Variants in CLIC6 observed in about 807,000 individuals in gnomAD.
CLIC6 encodes the protein chloride intracellular channel protein 6.
In CLIC6, 39 loss-of-function variants were observed where a neutral mutation model predicts 49.2. The observed-to-expected ratio is 0.79, with a 90% CI of 0.61 to 1.04. The LOEUF (loss-of-function observed/expected upper bound fraction) is 1.04. Among genes scored for constraint, CLIC6 ranks in the 50% least tolerant of loss-of-function variants. The pLI is 0.00. For synonymous variants in CLIC6, 446 were observed against 433.4 expected, an observed-to-expected ratio of 1.03 and a Z score of -0.36; for missense variants, 988 against 993.1, an observed-to-expected ratio of 0.99 and a Z score of 0.07.
intron 1 of CLIC6, among the ~76,000 whole-genome samples, chr21:34,685,465 T>C (rs933482614): frequency 3.3e-5 from 5 of 152,182 alleles, no homozygotes; most frequent in African/African-American, 9.7e-5. Flanking sequence ...ATCAACACTT[T>C]TTTGGTGCCT....
chr21:34,701,452 A>AATG (rs974971106), intron 1 of CLIC6, among the ~76,000 whole-genome samples: 1 of 152,138 alleles, frequency 6.6e-6, no homozygotes, highest in Non-Finnish European at 1.5e-5. Flanking sequence ...TTGGAAGAGT[A>AATG]ATGATGATGA....
intron 1 of CLIC6, among the ~76,000 whole-genome samples, chr21:34,682,644 G>C (rs1458021893): frequency 6.6e-6 from 1 of 151,904 alleles, no homozygotes; most frequent in East Asian, 1.9e-4. Context: ...GTAATTTCTT[G>C]TAATTGATGC....
At chr21:34,714,701 A>C (rs1229269847) in intron 5 of CLIC6, among the ~76,000 whole-genome samples, 5 of 151,502 alleles carry the variant, frequency 3.3e-5, no homozygotes, top group African/African-American at 9.8e-5. Context: ...ACAAAAAAAA[A>C]AAAAAAAAAC....
intron 5 of CLIC6, among the ~76,000 whole-genome samples, chr21:34,715,250 C>T (rs987873195): frequency 6.6e-6 from 1 of 152,302 alleles, no homozygotes; most frequent in South Asian, 2.1e-4. Context: ...TGTTGAGATC[C>T]TAACCCCCAG....
intron 1 of CLIC6, among the ~76,000 whole-genome samples, chr21:34,689,105 C>T (rs1989939180): frequency 6.6e-6 from 1 of 152,218 alleles, no homozygotes; most frequent in Non-Finnish European, 1.5e-5. Flanking sequence ...TCTTCCCTTG[C>T]CTGAGGAGGA....
chr21:34,689,260 A>G (rs1316120561), intron 1 of CLIC6, among the ~76,000 whole-genome samples: 1 of 152,202 alleles, frequency 6.6e-6, no homozygotes, highest in East Asian at 1.9e-4. Flanking sequence ...CCACACCTCC[A>G]GCAGTCGTGG....
rs541957862 is a variant in CLIC6 at position 34,703,295 on chromosome 21, G to A, written c.1375-3985G>A. 1.6e-3 allele frequency among the ~76,000 whole-genome samples: 251 copies of A among 152,236 alleles called. 24 individuals carry two copies. Among genetic ancestry groups the A allele is most frequent in the Non-Finnish European group, 6.5e-4 (44 of 68,026 alleles). On this transcript the variant is annotated intron_variant, in intron 1 of 5. Coordinates refer to ENST00000349499, the MANE Select transcript of CLIC6 (RefSeq NM_053277.3). The stretch of plus-strand genomic sequence containing the variant: ...GAGAAAAGTGCTTACTTGATGGAAC[G>A]TGTTCACCATGTAAGCCCACACAGA...
In CLIC6 at chr21:34,670,605, C is replaced by T. The variant is rs757325338; in HGVS notation, c.1217C>T (p.Ala406Val). ...CCACATGGGGAGGCCTCCAGGGGCG[C>T]CGCGGAGCCTGAGGCCCAGCTCAGC... ...SSPHGEASRG[A>V]AEPEAQLSNH... The change falls in exon 1 of 6, where the codon GCC becomes GTC. Residue 406 changes from alanine to valine, a missense_variant. By Grantham distance (64) the Ala-to-Val change is moderately conservative (BLOSUM62 0). Transcript: ENST00000349499. The T allele has an allele frequency of 4.1e-5, 63 of 1,539,748 alleles. No individual in the cohort carries two copies. The highest frequency in any genetic ancestry group is 1.0e-4 in the Admixed American group (5 of 49,626).
At chr21:34,676,336 A>C (rs1722452598) in intron 1 of CLIC6, among the ~76,000 whole-genome samples, 2 of 152,288 alleles carry the variant, frequency 1.3e-5, no homozygotes, top group Non-Finnish European at 1.5e-5. Context: ...TATTAATTCA[A>C]TACATATGGA....
At chr21:34,685,819 A>T (rs1989866204) in intron 1 of CLIC6, among the ~76,000 whole-genome samples, 1 of 152,220 alleles carries the variant, frequency 6.6e-6, no homozygotes, top group South Asian at 2.1e-4. Context: ...CCAGGTATTG[A>T]GGCTCTGGCT....
In CLIC6 at chr21:34,707,386, A is replaced by G; in HGVS notation, c.1481A>G (p.Lys494Arg). ...TTTAATGTGACCACAGTGGACCTGA[A>G]AAGGTAAGACAAGGCGTCTGCCTTA... ...VIFNVTTVDL[K>R]RKPADLQNLA... The change falls in exon 2 of 6, where the codon AAA becomes AGA. Residue 494 changes from lysine (K) to arginine (R), a missense_variant. Physicochemically the swap from Lys to Arg is conservative, Grantham distance 26. Coordinates refer to ENST00000349499, the MANE Select transcript of CLIC6 (RefSeq NM_053277.3). 6.2e-7 allele frequency: 1 copy of G among 1,602,256 alleles called. No individual in the cohort carries two copies. The highest frequency in any genetic ancestry group is 2.2e-5 in the East Asian group (1 of 44,770).
At chr21:34,702,428 G>A (rs894634316) in intron 1 of CLIC6, among the ~76,000 whole-genome samples, 1 of 152,132 alleles carries the variant, frequency 6.6e-6, no homozygotes, top group Non-Finnish European at 1.5e-5. Context: ...ACAAGCACCC[G>A]CCATTCCATA....
At position 34,670,344 on chromosome 21, in the gene CLIC6, C is replaced by T. The variant is rs1254267849; in HGVS notation, c.956C>T (p.Ala319Val). ...ATTGAGGTCGCAGCCGGGGAGAGTG[C>T]GGGGCGCAGCCCCGGTGAGCTCGCC... ...EAIEVAAGESAGRSPGELAWD... is the reference protein window; with the variant it reads ...EAIEVAAGESVGRSPGELAWD... The change falls in exon 1 of 6, where the codon GCG becomes GTG. Residue 319 changes from alanine (A) to valine (V), a missense_variant. Physicochemically the swap from Ala to Val is moderately conservative, Grantham distance 64. This residue lies in a region of CLIC6 where 647 missense variants were observed against 596.9 expected (regional missense o/e 1.08). Coordinates refer to ENST00000349499, the MANE Select transcript of CLIC6 (RefSeq NM_053277.3). 6.9e-7 allele frequency: 1 copy of T among 1,450,316 alleles called. No individual in the cohort carries two copies. Among genetic ancestry groups the T allele is most frequent in the Non-Finnish European group, 9.1e-7 (1 of 1,102,328 alleles). The allele number at this position is 1,450,316 out of a possible 1,614,324, so 89.8% of individuals were successfully genotyped here.
At chr21:34,681,897 C>CT (rs1049145934) in intron 1 of CLIC6, among the ~76,000 whole-genome samples, 4 of 152,050 alleles carry the variant, frequency 2.6e-5, no homozygotes, top group South Asian at 2.1e-4. Context: ...ACCACATCTA[C>CT]TTTTTTTTCC....
At position 34,707,345 on chromosome 21, in the gene CLIC6, G is replaced by T; in HGVS notation, c.1440G>T (p.Trp480Cys). 6.2e-7 allele frequency: 1 copy of T among 1,613,488 alleles called. No homozygotes were observed. The highest frequency in any genetic ancestry group is 1.1e-5 in the South Asian group (1 of 91,072). Residue 480 changes from tryptophan to cysteine, a missense_variant, in exon 2 of 6, where the codon TGG becomes TGT. Physicochemically the swap from Trp to Cys is radical, Grantham distance 215. Coordinates refer to ENST00000349499, the MANE Select transcript of CLIC6 (RefSeq NM_053277.3). ...CTCAGCGTCTCTTTATGATTCTCTG[G>T]CTGAAAGGCGTTATATTTAATGTGA... is the stretch of plus-strand genomic sequence containing the variant. The part of the protein sequence containing the change: ...PFSQRLFMIL[W>C]LKGVIFNVTT...
chr21:34,679,651 G>A (rs1054169115), intron 1 of CLIC6, among the ~76,000 whole-genome samples: 1 of 152,218 alleles, frequency 6.6e-6, no homozygotes, highest in East Asian at 1.9e-4. Context: ...TACGATGGGG[G>A]TACAGGCATT....
At chr21:34,694,212 C>T (rs1990052210) in intron 1 of CLIC6, among the ~76,000 whole-genome samples, 1 of 143,960 alleles carries the variant, frequency 6.9e-6, no homozygotes, top group South Asian at 2.2e-4. Context: ...ATCTCATTAC[C>T]TCATGATCCT....
At chr21:34,698,541 A>AC (rs1191329448) in intron 1 of CLIC6, among the ~76,000 whole-genome samples, 1 of 152,046 alleles carries the variant, frequency 6.6e-6, no homozygotes, top group African/African-American at 2.4e-5. Flanking sequence ...AAAGAGAAAG[A>AC]CAGACGGAAG....
intron 5 of CLIC6, among the ~76,000 whole-genome samples, chr21:34,711,931 C>A (rs1447232825): frequency 6.6e-6 from 1 of 152,276 alleles, no homozygotes; most frequent in African/African-American, 2.4e-5. Flanking sequence ...TTGATTGAGT[C>A]CCTTTTGGTA....
Sources: allele counts gnomAD v4.1 joint callset (sites outside exome capture counted in the v4.1 genomes callset), GRCh38; gene constraint gnomAD v4.1.1; regional missense constraint gnomAD v4.1.1; transcripts MANE v1.5; gene names NCBI Gene and HGNC (gene_info 2026-07-23, HGNC 2026-07-21).